CDH18: variants seen among roughly 807,000 people sequenced by gnomAD.
CDH18 encodes the protein cadherin-18.
In CDH18, 31 loss-of-function variants were observed where a neutral mutation model predicts 67.9. The ratio of observed to expected loss-of-function variants is 0.46; its 90% CI spans 0.34 to 0.62. The LOEUF (loss-of-function observed/expected upper bound fraction) is 0.62, where lower values mean the gene tolerates loss of function less well. Ranked by LOEUF, CDH18 falls within the 20% of genes least tolerant of loss-of-function variation. The pLI is 0.01. For missense variants in CDH18, 890 were observed against 975.5 expected, an observed-to-expected ratio of 0.91 and a Z score of 1.17; for synonymous variants, 362 against 347.2, an observed-to-expected ratio of 1.04 and a Z score of -0.48.
intron 11 of CDH18, among the ~76,000 whole-genome samples, chr5:19,500,133 C>A (rs970389862): frequency 6.6e-6 from 1 of 151,488 alleles, no homozygotes; most frequent in Non-Finnish European, 1.5e-5. Flanking sequence ...TAATACAAAG[C>A]CCAAGCACAC....
chr5:20,271,122 C>T (rs756082523), intron 1 of CDH18, among the ~76,000 whole-genome samples: 3 of 151,586 alleles, frequency 2.0e-5, no homozygotes, highest in Non-Finnish European at 4.4e-5. Context: ...CACATGTACC[C>T]CTGAACTTAA....
intron 1 of CDH18, among the ~76,000 whole-genome samples, chr5:20,326,455 C>A (rs1412593975): frequency 1.3e-5 from 2 of 151,742 alleles, no homozygotes; most frequent in Admixed American, 1.3e-4. Context: ...CAACAAGGGA[C>A]CTATGATTAG....
chr5:19,889,720 C>A (rs1788584672), intron 2 of CDH18, among the ~76,000 whole-genome samples: 2 of 152,014 alleles, frequency 1.3e-5, no homozygotes, highest in African/African-American at 2.4e-5. Context: ...AAAATGAGAT[C>A]TAGCAATTTA....
At position 20,419,604 on chromosome 5, in the gene CDH18, A is replaced by G. The variant is rs796367800; in HGVS notation, c.-580+155858T>C. ...TATTCTCCTGCCTCAGCTCCCCTTC[A>G]GTAGCTGGGACTACAGGCGCCCGCC... is the stretch of plus-strand genomic sequence containing the variant. On this transcript the variant is annotated intron_variant, in intron 1 of 14. Transcript: ENST00000507958. Among the ~76,000 whole-genome samples the G allele has an allele frequency of 1.1e-4, 16 of 148,672 alleles. 1 individual carries two copies. Among genetic ancestry groups the G allele is most frequent in the African/African-American group, 4.0e-4 (16 of 39,776 alleles).
rs745709000 is a variant in CDH18, at chr5:19,473,630, T to C, written c.1969A>G (p.Thr657Ala). The change falls in exon 13 of 13, where the codon ACC becomes GCC. Residue 657 changes from threonine to alanine, a missense_variant. Thr to Ala is a moderately conservative substitution (Grantham distance 58). Transcript: ENST00000382275. ...SEEDVRENVV[T>A]YDDEGGGEED... Reference sequence around the variant, plus strand: ...TCTCCGCCTCCTTCATCATCATAGGTGACCACGTTCTCCCGTACATCCTCT... The same window carrying C: ...TCTCCGCCTCCTTCATCATCATAGGCGACCACGTTCTCCCGTACATCCTCT... 6.2e-7 allele frequency: 1 copy of C among 1,613,836 alleles called. No individual in the cohort carries two copies. Among genetic ancestry groups the C allele is most frequent in the Non-Finnish European group, 8.5e-7 (1 of 1,179,824 alleles).
At chr5:20,255,850 C>A (rs1744194547) in intron 1 of CDH18, among the ~76,000 whole-genome samples, 1 of 151,828 alleles carries the variant, frequency 6.6e-6, no homozygotes, top group Admixed American at 6.6e-5. Context: ...ATGCCTTAAA[C>A]ATGGTCAAAA....
chr5:19,600,695 A>T (rs1746990080), intron 6 of CDH18, among the ~76,000 whole-genome samples: 1 of 152,062 alleles, frequency 6.6e-6, no homozygotes, highest in South Asian at 2.1e-4. Flanking sequence ...CATGGGGAGA[A>T]ATTTTTTCCT....
chr5:20,419,372 G>C (rs1045912499), intron 1 of CDH18, among the ~76,000 whole-genome samples: 1 of 151,172 alleles, frequency 6.6e-6, no homozygotes, highest in South Asian at 2.1e-4. Context: ...CTGGCTCCAC[G>C]GGTTCTCTGA....
chr5:19,678,985 G>C (rs151029995), intron 5 of CDH18, among the ~76,000 whole-genome samples: 9 of 151,782 alleles, frequency 5.9e-5, no homozygotes, highest in African/African-American at 2.2e-4. Flanking sequence ...ACCAGACAGA[G>C]ACACAATGGA....
chr5:19,646,321 C>G (rs1052336324), intron 5 of CDH18, among the ~76,000 whole-genome samples: 13 of 152,036 alleles, frequency 8.6e-5, no homozygotes, highest in Non-Finnish European at 1.6e-4. Context: ...CAACATTCAT[C>G]AATAAACTTA....
intron 2 of CDH18, among the ~76,000 whole-genome samples, chr5:20,228,252 G>T (rs1031858747): frequency 6.6e-6 from 1 of 151,774 alleles, no homozygotes; most frequent in Non-Finnish European, 1.5e-5. Flanking sequence ...CATTTATTTT[G>T]ACTAGAAATT....
chr5:19,709,004 TTAA>T (rs1580991710), intron 5 of CDH18, among the ~76,000 whole-genome samples: 6 of 149,184 alleles, frequency 4.0e-5, no homozygotes, highest in East Asian at 4.0e-4. Context: ...CTAGACTCTG[TTAA>T]ATAAATAAAT....
intron 2 of CDH18, among the ~76,000 whole-genome samples, chr5:19,994,729 A>G (rs1482898923): frequency 1.1e-4 from 2 of 17,854 alleles, no homozygotes; most frequent in Admixed American, 9.6e-4. Context: ...ATATATATAT[A>G]TATATATATA....
rs373316820 is a variant in CDH18, at chr5:19,596,326, G to C, written c.812-5082C>G. Among the ~76,000 whole-genome samples, 8 of 152,224 alleles carry C rather than the reference G, an allele frequency of 5.3e-5. No individual in the cohort carries two copies. In the South Asian group the frequency reaches 1.7e-3, roughly 32 times the overall value. On this transcript the variant is annotated intron_variant, in intron 6 of 12. Coordinates refer to ENST00000382275, the MANE Select transcript of CDH18 (RefSeq NM_004934.5). ...GTTCCTGAAAAGTCACATCTATAAT[G>C]GGACACTGTTTTGCTCAACAAAATG... is the stretch of plus-strand genomic sequence containing the variant.
At chr5:19,799,956 T>C (rs957818831) in intron 3 of CDH18, among the ~76,000 whole-genome samples, 3 of 152,202 alleles carry the variant, frequency 2.0e-5, no homozygotes, top group Admixed American at 2.0e-4. Flanking sequence ...TATTTTTTTC[T>C]TCTTTCTAAA....
intron 1 of CDH18, among the ~76,000 whole-genome samples, chr5:20,443,070 C>T (rs1483204439): frequency 1.3e-5 from 2 of 149,792 alleles, no homozygotes; most frequent in Non-Finnish European, 1.5e-5. Flanking sequence ...ATTAGCCGGG[C>T]GTAGTGGCGG....
intron 3 of CDH18, among the ~76,000 whole-genome samples, chr5:19,806,756 T>A (rs1023274104): frequency 5.9e-5 from 9 of 152,210 alleles, no homozygotes; most frequent in African/African-American, 2.2e-4. Flanking sequence ...TTACAGAAAT[T>A]AACCTACATT....
intron 2 of CDH18, among the ~76,000 whole-genome samples, chr5:20,231,772 T>A (rs1742097235): frequency 6.6e-6 from 1 of 152,152 alleles, no homozygotes; most frequent in Admixed American, 6.6e-5. Context: ...GATTCCCAGA[T>A]CAATGTTTAC....
At chr5:19,812,302 G>A (rs1778818559) in intron 3 of CDH18, among the ~76,000 whole-genome samples, 1 of 152,024 alleles carries the variant, frequency 6.6e-6, no homozygotes, top group Admixed American at 6.6e-5. Context: ...TGTTAGAAAT[G>A]TAAGTATATA....
Sources: gnomAD v4.1 joint callset for allele counts (sites outside exome capture counted in the v4.1 genomes callset) on GRCh38, gnomAD v4.1.1 for gene constraint, MANE v1.5 for transcripts, NCBI Gene and HGNC (gene_info 2026-07-23, HGNC 2026-07-21) for gene names.